Variants in UBAP2 observed in about 807,000 individuals in gnomAD.
UBAP2 encodes the protein ubiquitin associated protein 2, also known as ubiquitin-associated protein 2.
A neutral mutation model predicts 139.6 loss-of-function variants in UBAP2; 75 were observed. The observed-to-expected ratio is 0.54, with a 90% CI of 0.45 to 0.65. The LOEUF (loss-of-function observed/expected upper bound fraction) is 0.65. Among genes scored for constraint, UBAP2 ranks in the 30% least tolerant of loss-of-function variants. The probability of loss-of-function intolerance (pLI) is 0.00; values close to 1 mark genes in which losing one functional copy is unlikely to be tolerated. For missense variants in UBAP2, 1,368 were observed against 1,369.6 expected (o/e 1.00, Z 0.02); for synonymous variants, 526 against 526.2 (o/e 1.00, Z 0.01).
At chr9:33,925,097 A>G (rs905441938) in intron 22 of UBAP2, among the ~76,000 whole-genome samples, 5 of 152,030 alleles carry the variant, frequency 3.3e-5, no homozygotes, top group African/African-American at 1.2e-4. Flanking sequence ...GGAGGAGGGG[A>G]GGTCTGACCT....
intron 6 of UBAP2, among the ~76,000 whole-genome samples, chr9:33,979,283 C>A (rs573947022): frequency 1.6e-4 from 25 of 152,226 alleles, no homozygotes; most frequent in Admixed American, 2.6e-4. Flanking sequence ...CTCAATCTCA[C>A]CAAAAGACCA....
intron 4 of UBAP2, chr9:33,994,366 C>CA (rs768122550): frequency 4.6e-5 from 7 of 151,370 alleles, no homozygotes; most frequent in Non-Finnish European, 1.0e-4. Flanking sequence ...GGAAAGGCAA[C>CA]AAAAAATAGT....
chr9:33,990,969 C>G (rs933991367), intron 4 of UBAP2, among the ~76,000 whole-genome samples: 3 of 152,086 alleles, frequency 2.0e-5, no homozygotes, highest in Admixed American at 6.5e-5. Context: ...CCCAGCAATT[C>G]TACTTCTAGG....
At chr9:33,936,114 CTGGGA>C (rs1824490032) in intron 16 of UBAP2, among the ~76,000 whole-genome samples, 4 of 152,086 alleles carry the variant, frequency 2.6e-5, no homozygotes, top group Non-Finnish European at 5.9e-5. Context: ...TGCCTAGGAG[CTGGGA>C]CTACAGGTGC....
intron 9 of UBAP2, 135 bp from the exon 10 acceptor site, chr9:33,961,013 G>C: frequency 1.4e-6 from 1 of 735,978 alleles, no homozygotes; most frequent in Non-Finnish European, 2.3e-6. Context: ...TACAACCCAA[G>C]AAACATGACG....
chr9:34,016,376 T>C (rs28553419), intron 2 of UBAP2, among the ~76,000 whole-genome samples: 24 of 18,572 alleles, frequency 1.3e-3, no homozygotes, highest in South Asian at 3.4e-3. Flanking sequence ...GCGGCGGTGG[T>C]GGTGGTGGTG....
chr9:33,983,894 C>CT (rs1820977429), intron 6 of UBAP2, among the ~76,000 whole-genome samples: 1 of 152,050 alleles, frequency 6.6e-6, no homozygotes, highest in Non-Finnish European at 1.5e-5. Flanking sequence ...GAAACTTTAC[C>CT]TAGAATAATA....
chr9:34,045,560 G>A (rs1415805762), intron 1 of UBAP2, among the ~76,000 whole-genome samples: 1 of 151,928 alleles, frequency 6.6e-6, no homozygotes, highest in East Asian at 2.0e-4. Context: ...TTTTAGTAGA[G>A]ACGGGGTTTC....
chr9:34,020,877 T>C (rs950362388), intron 1 of UBAP2, among the ~76,000 whole-genome samples: 1 of 151,526 alleles, frequency 6.6e-6, no homozygotes, highest in African/African-American at 2.4e-5. Flanking sequence ...TTAGCCAGGA[T>C]GGTCGCGATC....
intron 1 of UBAP2, among the ~76,000 whole-genome samples, chr9:34,029,491 G>A (rs1224946240): frequency 1.3e-5 from 2 of 150,302 alleles, no homozygotes; most frequent in Admixed American, 1.3e-4. Flanking sequence ...ATTATGCCAC[G>A]GCACTCCAGC....
At chr9:34,010,802 T>C (rs1038904700) in intron 2 of UBAP2, among the ~76,000 whole-genome samples, 13 of 152,172 alleles carry the variant, frequency 8.5e-5, no homozygotes, top group African/African-American at 3.1e-4. Context: ...TACTTGTGGC[T>C]ATCCACTCAC....
chr9:34,010,818 A>C (rs117918420), intron 2 of UBAP2, among the ~76,000 whole-genome samples: 1,818 of 152,302 alleles, frequency 0.012, 31 homozygotes, highest in Non-Finnish European at 0.017. Context: ...CTCACTGCAC[A>C]GTAAGTATTA....
chr9:34,043,012 G>A (rs1827233236), intron 1 of UBAP2, among the ~76,000 whole-genome samples: 5 of 151,932 alleles, frequency 3.3e-5, no homozygotes, highest in Admixed American at 3.3e-4. Flanking sequence ...AGGCTGCAGT[G>A]AGCCATGATC....
In UBAP2 at chr9:34,025,920, A is replaced by G. The variant is rs1587681351; in HGVS notation, c.-41-8731T>C. ...TCAAGGACCTTTCTGAAGATAAGAT[A>G]CCTCAGTGAAACAGCCGCATTTTCA... On this transcript the variant is annotated intron_variant, in intron 1 of 28. Coordinates refer to ENST00000379238, the MANE Select transcript of UBAP2 (RefSeq NM_001370062.2). Among the ~76,000 whole-genome samples, 3 of 152,068 alleles carry G rather than the reference A, an allele frequency of 2.0e-5. No homozygotes were observed. In the South Asian group the frequency reaches 6.2e-4, roughly 32 times the overall value.
intron 19 of UBAP2, among the ~76,000 whole-genome samples, chr9:33,932,360 G>A (rs546758246): frequency 2.6e-5 from 4 of 152,150 alleles, no homozygotes; most frequent in Admixed American, 1.3e-4. Flanking sequence ...CTTCCCAGGC[G>A]CTACAAACTT....
chr9:33,953,385 A>G lies in UBAP2; in HGVS notation c.956T>C (p.Phe319Ser). 1 of 1,614,224 alleles carries G rather than the reference A, an allele frequency of 6.2e-7. No individual in the cohort carries two copies. The highest frequency in any genetic ancestry group is 8.5e-7 in the Non-Finnish European group (1 of 1,180,024). The change falls in exon 12 of 29, where the codon TTT becomes TCT. Residue 319 changes from phenylalanine to serine, a missense_variant. Transcript: ENST00000379238. Reference sequence around the variant, plus strand: ...ATTTGTGAAGACAAGGGCTTGGCCAAAGCCCTGCTGTTGGGAAGTTTCAAA... The same window carrying G: ...ATTTGTGAAGACAAGGGCTTGGCCAGAGCCCTGCTGTTGGGAAGTTTCAAA... ...NSFETSQQQG[F>S]GQALVFTNSQ... is the part of the protein sequence containing the mutation.
At chr9:33,935,978 C>T (rs1824476809) in intron 16 of UBAP2, 100 bp from the exon 17 acceptor site, 2 of 1,087,046 alleles carry the variant, frequency 1.8e-6, no homozygotes, top group South Asian at 2.9e-5. Context: ...AATCAAGAAA[C>T]AATTATCTCT....
rs1173781682 is a variant in UBAP2, at chr9:33,980,220, C to CTTTTTTTTTTTTTT, written c.520+6526_520+6539dup. ...TTAATCCAAATCCTGAGTGTCATTT[C>CTTTTTTTTTTTTTT]TTTTTTTTTTTTTTTTTTTTTTTTT... On this transcript the variant is annotated intron_variant, in intron 6 of 28. Coordinates refer to ENST00000379238, the MANE Select transcript of UBAP2 (RefSeq NM_001370062.2). Among the ~76,000 whole-genome samples the CTTTTTTTTTTTTTT allele has an allele frequency of 1.9e-3, 91 of 49,142 alleles. 26 individuals carry two copies. The highest frequency in any genetic ancestry group is 2.6e-3 in the East Asian group (4 of 1,550). 32.2% of individuals were successfully genotyped at this position (49,142 alleles called of 152,430 possible). A position where few individuals can be genotyped will look rare whatever the true frequency, so the allele number is the denominator to read the frequency against.
At chr9:33,984,318 T>C (rs1365949159) in intron 6 of UBAP2, among the ~76,000 whole-genome samples, 1 of 152,014 alleles carries the variant, frequency 6.6e-6, no homozygotes, top group African/African-American at 2.4e-5. Flanking sequence ...ATTCAGACAA[T>C]ACAAGGAATC....
Sources: allele counts gnomAD v4.1 joint callset (sites outside exome capture counted in the v4.1 genomes callset), GRCh38; gene constraint gnomAD v4.1.1; transcripts MANE v1.5; gene names NCBI Gene and HGNC (gene_info 2026-07-23, HGNC 2026-07-21).